Variants in SLC4A10 observed in about 807,000 individuals in gnomAD.
The protein encoded by SLC4A10 is solute carrier family 4 member 10, also known as sodium-driven chloride bicarbonate exchanger.
Under a neutral mutation model 137.7 loss-of-function variants are expected in SLC4A10, and 42 were observed. The observed-to-expected ratio is 0.30, with a 90% CI of 0.24 to 0.39. The LOEUF is 0.39. SLC4A10 is among the 10% of genes least tolerant of loss of function. The probability of loss-of-function intolerance (pLI) is 1.00; values close to 1 mark genes in which losing one functional copy is unlikely to be tolerated. For missense variants in SLC4A10, 925 were observed against 1,355.0 expected (o/e 0.68, Z 4.98); for synonymous variants, 474 against 464.1 (o/e 1.02, Z -0.27).
chr2:161,669,624 GT>G (rs1444447902), intron 1 of SLC4A10, among the ~76,000 whole-genome samples: 1 of 151,918 alleles, frequency 6.6e-6, no homozygotes, highest in Admixed American at 6.6e-5. Context: ...ATATTAAATT[GT>G]TAATAAAATC....
chr2:161,714,591 C>G (rs1010923019), intron 1 of SLC4A10, among the ~76,000 whole-genome samples: 1 of 151,888 alleles, frequency 6.6e-6, no homozygotes, highest in Non-Finnish European at 1.5e-5. Context: ...ATTATCCCTA[C>G]TCATCTTTTT....
At chr2:161,691,012 G>A (rs924787234) in intron 1 of SLC4A10, among the ~76,000 whole-genome samples, 1 of 151,884 alleles carries the variant, frequency 6.6e-6, no homozygotes, top group Non-Finnish European at 1.5e-5. Flanking sequence ...ACTATAATAT[G>A]GACATTAATT....
chr2:161,882,220 TG>T, intron 9 of SLC4A10, 136 bp from the exon 10 acceptor site: 1 of 552,366 alleles, frequency 1.8e-6, no homozygotes, highest in Non-Finnish European at 3.1e-6. Context: ...AAAATAATAA[TG>T]AACTATGAAA....
intron 1 of SLC4A10, among the ~76,000 whole-genome samples, chr2:161,683,709 A>G (rs991192024): frequency 2.0e-5 from 3 of 152,184 alleles, no homozygotes; most frequent in African/African-American, 7.2e-5. Context: ...AAGAGGAGTA[A>G]TATTTGACTT....
chr2:161,981,906 G>A (rs1247666925), intron 26 of SLC4A10, among the ~76,000 whole-genome samples: 5 of 152,160 alleles, frequency 3.3e-5, no homozygotes, highest in South Asian at 2.1e-4. Context: ...CAGAAGCTCC[G>A]GCACTTCTTA....
intron 1 of SLC4A10, among the ~76,000 whole-genome samples, chr2:161,763,463 T>TG (rs1396341068): frequency 6.6e-6 from 1 of 152,096 alleles, no homozygotes; most frequent in Non-Finnish European, 1.5e-5. Flanking sequence ...TATAAAGATG[T>TG]GGGCAGGATA....
chr2:161,860,336 C>A (rs2060365840), intron 5 of SLC4A10, among the ~76,000 whole-genome samples: 1 of 151,966 alleles, frequency 6.6e-6, no homozygotes, highest in Admixed American at 6.6e-5. Context: ...AGTGTTCGAG[C>A]CTGGAAACAT....
At chr2:161,669,771 T>C (rs1371043883) in intron 1 of SLC4A10, among the ~76,000 whole-genome samples, 1 of 152,056 alleles carries the variant, frequency 6.6e-6, no homozygotes, top group Non-Finnish European at 1.5e-5. Flanking sequence ...GCTTCCACTG[T>C]ATACAAAATA....
At chr2:161,972,481 G>A (rs1342069921) in intron 23 of SLC4A10, among the ~76,000 whole-genome samples, 1 of 152,030 alleles carries the variant, frequency 6.6e-6, no homozygotes, top group East Asian at 1.9e-4. Flanking sequence ...TCAAACCAAT[G>A]GTAATCTCCA....
At chr2:161,980,328 C>T (rs115963266) in intron 26 of SLC4A10, among the ~76,000 whole-genome samples, 4,106 of 151,994 alleles carry the variant, frequency 0.027, 89 homozygotes, top group East Asian at 0.096. Flanking sequence ...TAGGCTCTCT[C>T]ATGACTTCTT....
Position 161,629,459 on chromosome 2 carries a change from G to C in SLC4A10, c.48+4893G>C, listed in dbSNP as rs549546515. Among the ~76,000 whole-genome samples, 137 of 151,702 alleles carry C rather than the reference G, an allele frequency of 9.0e-4. No homozygotes were observed. In the South Asian group the frequency reaches 0.013, roughly 15 times the overall value. On this transcript the variant is annotated intron_variant, in intron 1 of 26. Coordinates refer to ENST00000446997, the MANE Select transcript of SLC4A10 (RefSeq NM_001178015.2). ...GCAGCAATATTAAGCAGAAGGTACA[G>C]AGATTTCCCATATATCCCCTGCCCC...
At chr2:161,723,586 C>T (rs1220093411) in intron 1 of SLC4A10, among the ~76,000 whole-genome samples, 1 of 152,182 alleles carries the variant, frequency 6.6e-6, no homozygotes, top group Non-Finnish European at 1.5e-5. Context: ...TTGTCTCAAT[C>T]TTCCTCAAGG....
chr2:161,939,120 G>A (rs1472322443), intron 15 of SLC4A10, among the ~76,000 whole-genome samples: 2 of 151,930 alleles, frequency 1.3e-5, no homozygotes, highest in Non-Finnish European at 2.9e-5. Flanking sequence ...TCTGTCGCCA[G>A]GCAGAGTGTG....
intron 23 of SLC4A10, among the ~76,000 whole-genome samples, chr2:161,970,873 A>G (rs1698399805): frequency 1.3e-5 from 2 of 152,198 alleles, no homozygotes; most frequent in African/African-American, 4.8e-5. Flanking sequence ...ACTTCAATTT[A>G]TCTCTTCCGC....
intron 3 of SLC4A10, among the ~76,000 whole-genome samples, chr2:161,817,212 G>T (rs560188847): frequency 1.8e-4 from 28 of 152,280 alleles, no homozygotes; most frequent in Non-Finnish European, 3.4e-4. Flanking sequence ...GTTTTGATTT[G>T]CATTTCTCTG....
chr2:161,749,251 A>T (rs938615826), intron 1 of SLC4A10, among the ~76,000 whole-genome samples: 1 of 151,994 alleles, frequency 6.6e-6, no homozygotes, highest in Non-Finnish European at 1.5e-5. Flanking sequence ...TTTTCTTCCA[A>T]TGTGGATGCC....
intron 22 of SLC4A10, 95 bp from the exon 23 acceptor site, chr2:161,964,955 TA>T: frequency 9.2e-7 from 1 of 1,088,800 alleles, no homozygotes; most frequent in Non-Finnish European, 1.3e-6. Context: ...ATCTCAGGCC[TA>T]ATAGAAATTG....
chr2:161,976,485 G>A (rs1021004422), intron 24 of SLC4A10, among the ~76,000 whole-genome samples: 2 of 152,174 alleles, frequency 1.3e-5, no homozygotes, highest in African/African-American at 4.8e-5. Flanking sequence ...GGTTTAGTGG[G>A]TATGGAGTTC....
intron 23 of SLC4A10, among the ~76,000 whole-genome samples, chr2:161,970,388 T>C (rs192200732): frequency 5.6e-4 from 86 of 152,334 alleles, no homozygotes; most frequent in Admixed American, 5.4e-3. Flanking sequence ...ACTTATGGTT[T>C]TCAAAGATTA....
Sources: gnomAD v4.1 joint callset for allele counts (sites outside exome capture counted in the v4.1 genomes callset) on GRCh38, gnomAD v4.1.1 for gene constraint, MANE v1.5 for transcripts, NCBI Gene and HGNC (gene_info 2026-07-23, HGNC 2026-07-21) for gene names.